SYT16: variants seen among roughly 807,000 people sequenced by gnomAD.
SYT16 encodes synaptotagmin-16.
SYT16 carries 42 observed loss-of-function variants against 61.4 expected under a neutral mutation model. The ratio of observed to expected loss-of-function variants is 0.68; its 90% CI spans 0.53 to 0.89. SYT16 has a LOEUF of 0.89. SYT16 is among the 40% of genes least tolerant of loss of function. SYT16 has a pLI of 0.00. For synonymous variants in SYT16, 314 were observed against 302.3 expected, an observed-to-expected ratio of 1.04 and a Z score of -0.40; for missense variants, 804 against 807.3, an observed-to-expected ratio of 1.00 and a Z score of 0.05.
rs576014484 is a variant in SYT16, at chr14:61,905,600, G to T, written c.-324-64532G>T. ...TTCTGTGTAATTATCTGCTTGCCTT[G>T]CCCTCTTCTTACACCTGCTAGCTGA... On this transcript the variant is annotated intron_variant, in intron 1 of 7. Transcript: ENST00000683842. Among the ~76,000 whole-genome samples the T allele has an allele frequency of 3.9e-5, 6 of 152,164 alleles. No individual in the cohort carries two copies. In the East Asian group the frequency reaches 9.7e-4, roughly 24 times the overall value.
At chr14:61,931,783 G>T (rs1218136033) in intron 1 of SYT16, among the ~76,000 whole-genome samples, 1 of 151,806 alleles carries the variant, frequency 6.6e-6, no homozygotes, top group Admixed American at 6.6e-5. Flanking sequence ...TAAGTTTTAG[G>T]GTACATGTGC....
At chr14:61,894,675 A>G (rs1269805078) in intron 1 of SYT16, among the ~76,000 whole-genome samples, 1 of 152,156 alleles carries the variant, frequency 6.6e-6, no homozygotes, top group African/African-American at 2.4e-5. Flanking sequence ...TGGCGTGATT[A>G]TCTAGGGCCC....
intron 7 of SYT16, among the ~76,000 whole-genome samples, chr14:62,091,352 G>A (rs1417082806): frequency 1.3e-5 from 2 of 152,140 alleles, no homozygotes; most frequent in Admixed American, 1.3e-4. Context: ...CAGAAAGAAA[G>A]CAATTGAAAT....
chr14:61,993,452 C>T (rs2052640831), intron 2 of SYT16, among the ~76,000 whole-genome samples: 1 of 151,964 alleles, frequency 6.6e-6, no homozygotes. Flanking sequence ...AGAACAACAA[C>T]AACAAAAAAC....
Position 61,996,112 on chromosome 14 carries a change from A to C in SYT16, c.93A>C (p.Ala31=). 2 of 1,613,210 alleles carry C rather than the reference A, an allele frequency of 1.2e-6. No homozygotes were observed. Among genetic ancestry groups the C allele is most frequent in the Non-Finnish European group, 1.7e-6 (2 of 1,179,452 alleles). The change falls in exon 3 of 8, where the codon GCA becomes GCC. Residue 31 remains alanine (A), a synonymous_variant. Coordinates refer to ENST00000683842, the MANE Select transcript of SYT16 (RefSeq NM_001367656.1). ...GGGTTTATGAAGCTCTCCAGCAAGC[A>C]GGAGATATGTTATCTGCTTCGCTGG... ...ISRVYEALQQ[A]GDMLSASLVN...
At chr14:62,048,491 A>T (rs917294867) in intron 3 of SYT16, among the ~76,000 whole-genome samples, 15 of 151,754 alleles carry the variant, frequency 9.9e-5, no homozygotes, top group African/African-American at 3.6e-4. Context: ...TTCTGCTCTG[A>T]TCTTAGTTAT....
chr14:61,842,504 T>G (rs1032163507), intron 1 of SYT16, among the ~76,000 whole-genome samples: 5 of 152,210 alleles, frequency 3.3e-5, no homozygotes, highest in Non-Finnish European at 7.3e-5. Context: ...GATGACAGGA[T>G]CTCATTCTTT....
intron 1 of SYT16, among the ~76,000 whole-genome samples, chr14:61,947,523 T>C (rs894214456): frequency 6.6e-6 from 1 of 152,180 alleles, no homozygotes; most frequent in African/African-American, 2.4e-5. Flanking sequence ...TCTTGAGGAA[T>C]CTTCCAGAGA....
intron 1 of SYT16, among the ~76,000 whole-genome samples, chr14:61,931,443 G>C (rs1265082623): frequency 2.6e-5 from 4 of 152,052 alleles, no homozygotes; most frequent in African/African-American, 9.7e-5. Context: ...ATGAAAAAAA[G>C]TCCACAACGA....
intron 3 of SYT16, among the ~76,000 whole-genome samples, chr14:62,053,563 C>A (rs79052179): frequency 2.6e-5 from 4 of 152,200 alleles, no homozygotes; most frequent in Non-Finnish European, 5.9e-5. Flanking sequence ...TCTGCAGAAC[C>A]CTAATACAGT....
chr14:62,070,271 G>C (rs933367862), intron 4 of SYT16, among the ~76,000 whole-genome samples: 4 of 152,102 alleles, frequency 2.6e-5, no homozygotes, highest in Admixed American at 6.5e-5. Context: ...CTTCTAATTA[G>C]TTTGCATTAC....
At position 61,968,014 on chromosome 14, in the gene SYT16, A is replaced by G. The variant is rs144364635; in HGVS notation, c.-324-2118A>G. 1.3e-3 allele frequency among the ~76,000 whole-genome samples: 202 copies of G among 152,182 alleles called. 1 individual carries two copies. Among genetic ancestry groups the G allele is most frequent in the African/African-American group, 4.6e-3 (192 of 41,528 alleles). On this transcript the variant is annotated intron_variant, in intron 1 of 7. Coordinates refer to ENST00000683842, the MANE Select transcript of SYT16 (RefSeq NM_001367656.1). ...GGTGGCTCATGCCTGTAATCCCAGC[A>G]CTTTGGGAGGCCGAGGTGGGAAGAT...
At chr14:62,070,233 T>C (rs941820313) in intron 4 of SYT16, among the ~76,000 whole-genome samples, 1 of 152,242 alleles carries the variant, frequency 6.6e-6, no homozygotes. Flanking sequence ...CATATCTGTA[T>C]AACTCCGGAA....
intron 2 of SYT16, among the ~76,000 whole-genome samples, chr14:61,973,616 C>T (rs576990148): frequency 4.3e-4 from 66 of 152,134 alleles, no homozygotes; most frequent in African/African-American, 1.4e-3. Flanking sequence ...TGAGAGAAGG[C>T]GGGAGAGAGA....
intron 3 of SYT16, among the ~76,000 whole-genome samples, chr14:62,043,948 C>T (rs1037810774): frequency 1.8e-4 from 28 of 152,294 alleles, no homozygotes; most frequent in African/African-American, 6.0e-4. Flanking sequence ...GCTGGGATTA[C>T]AGGCATGAAC....
At chr14:61,843,418 A>G (rs1019715104) in intron 1 of SYT16, among the ~76,000 whole-genome samples, 2 of 152,176 alleles carry the variant, frequency 1.3e-5, no homozygotes, top group African/African-American at 2.4e-5. Flanking sequence ...ATGCAATCCC[A>G]TTTATCCATT....
chr14:62,029,126 T>A (rs1263038356), intron 3 of SYT16, among the ~76,000 whole-genome samples: 1 of 152,182 alleles, frequency 6.6e-6, no homozygotes, highest in Non-Finnish European at 1.5e-5. Context: ...ATGAAATGGT[T>A]CTTTTTTCTC....
intron 1 of SYT16, among the ~76,000 whole-genome samples, chr14:61,936,783 C>T (rs1358708530): frequency 1.3e-5 from 2 of 152,140 alleles, no homozygotes; most frequent in African/African-American, 4.8e-5. Flanking sequence ...GGTCACAAGC[C>T]CAGGTACCAT....
intron 1 of SYT16, among the ~76,000 whole-genome samples, chr14:61,849,016 G>T (rs1449417128): frequency 6.6e-6 from 1 of 152,284 alleles, no homozygotes; most frequent in Non-Finnish European, 1.5e-5. Flanking sequence ...GGGCTTTTTA[G>T]TCAATAGGTG....
Sources: allele counts gnomAD v4.1 joint callset (sites outside exome capture counted in the v4.1 genomes callset), GRCh38; gene constraint gnomAD v4.1.1; transcripts MANE v1.5; gene names NCBI Gene and HGNC (gene_info 2026-07-23, HGNC 2026-07-21).